The following SLC14A2 variants were observed in gnomAD, a reference collection of about 807,000 sequenced individuals.
SLC14A2 encodes the protein solute carrier family 14 member 2.
In SLC14A2, 91 loss-of-function variants were observed where a neutral mutation model predicts 104.6. The observed-to-expected ratio is 0.87, with a 90% CI of 0.73 to 1.04. The LOEUF (loss-of-function observed/expected upper bound fraction) is 1.04, where lower values mean the gene tolerates loss of function less well. Among genes scored for constraint, SLC14A2 ranks in the 50% least tolerant of loss-of-function variants. The probability of loss-of-function intolerance (pLI) is 0.00; values close to 1 mark genes in which losing one functional copy is unlikely to be tolerated. For synonymous variants in SLC14A2, 476 were observed against 466.4 expected, an observed-to-expected ratio of 1.02 and a Z score of -0.27; for missense variants, 1,189 against 1,156.0, an observed-to-expected ratio of 1.03 and a Z score of -0.41.
intron 2 of SLC14A2, among the ~76,000 whole-genome samples, chr18:45,596,268 C>T (rs1347818871): frequency 1.3e-5 from 2 of 152,174 alleles, no homozygotes; most frequent in African/African-American, 2.4e-5. Context: ...GAAATTGGCA[C>T]GGCTACCTAG....
intron 2 of SLC14A2, among the ~76,000 whole-genome samples, chr18:45,565,594 G>A (rs2044255682): frequency 6.6e-6 from 1 of 152,212 alleles, no homozygotes; most frequent in South Asian, 2.1e-4. Context: ...GCTCAGGAAA[G>A]CGAGGCAACT....
chr18:45,262,698 G>A (rs2084552152), intron 1 of SLC14A2, among the ~76,000 whole-genome samples: 1 of 152,128 alleles, frequency 6.6e-6, no homozygotes, highest in African/African-American at 2.4e-5. Context: ...TTGTAGTCCA[G>A]GCACAAGGCC....
At chr18:45,630,898 T>C (rs1025884270) in intron 4 of SLC14A2, among the ~76,000 whole-genome samples, 4 of 152,152 alleles carry the variant, frequency 2.6e-5, no homozygotes, top group Non-Finnish European at 5.9e-5. Context: ...GTGCTACAGC[T>C]TTCTTGCAGG....
chr18:45,509,172 A>G (rs1317846865), intron 2 of SLC14A2, among the ~76,000 whole-genome samples: 1 of 152,034 alleles, frequency 6.6e-6, no homozygotes, highest in Non-Finnish European at 1.5e-5. Flanking sequence ...GTCTTACCCA[A>G]CTCATCTGTG....
At chr18:45,647,711 A>G (rs971325958) in intron 10 of SLC14A2, 1 of 152,060 alleles carries the variant, frequency 6.6e-6, no homozygotes, top group Admixed American at 6.5e-5. Context: ...TGTAATTTTA[A>G]TTTTTATTCC....
chr18:45,530,761 C>T (rs2043672443), intron 2 of SLC14A2, among the ~76,000 whole-genome samples: 1 of 152,052 alleles, frequency 6.6e-6, no homozygotes, highest in Non-Finnish European at 1.5e-5. Context: ...AGGTTTGTTA[C>T]ATATGTATAC....
chr18:45,415,714 G>A (rs2086269356), intron 1 of SLC14A2, among the ~76,000 whole-genome samples: 1 of 152,144 alleles, frequency 6.6e-6, no homozygotes, highest in South Asian at 2.1e-4. Context: ...GGTTTAATAG[G>A]CTGCCCTTAT....
intron 2 of SLC14A2, among the ~76,000 whole-genome samples, chr18:45,494,467 G>A (rs946637004): frequency 1.9e-4 from 29 of 152,068 alleles, no homozygotes; most frequent in African/African-American, 6.3e-4. Context: ...TTGCAATCTC[G>A]GCTCACTGCA....
intron 1 of SLC14A2, among the ~76,000 whole-genome samples, chr18:45,471,030 A>G (rs1277782989): frequency 2.0e-5 from 3 of 151,956 alleles, no homozygotes; most frequent in African/African-American, 4.8e-5. Flanking sequence ...TTAACAACCC[A>G]CCACCAGTTC....
At chr18:45,528,362 A>C (rs1441459856) in intron 2 of SLC14A2, 1 of 152,056 alleles carries the variant, frequency 6.6e-6, no homozygotes, top group East Asian at 1.9e-4. Flanking sequence ...TCTGACTTCA[A>C]AATTGATGTA....
At chr18:45,294,007 G>T (rs1307749260) in intron 1 of SLC14A2, among the ~76,000 whole-genome samples, 1 of 152,176 alleles carries the variant, frequency 6.6e-6, no homozygotes, top group East Asian at 1.9e-4. Context: ...AAGTGGGTGG[G>T]ATCAAGGGAA....
At chr18:45,200,151 T>C in the SLC14A2 span, among the ~76,000 whole-genome samples, 1 of 152,134 alleles carries the variant, frequency 6.6e-6, no homozygotes. Context: ...ACATTCTTTG[T>C]GTTTGGAGTT....
intron 19 of SLC14A2, among the ~76,000 whole-genome samples, chr18:45,681,949 G>A (rs1599177708): frequency 6.6e-6 from 1 of 152,210 alleles, no homozygotes; most frequent in East Asian, 1.9e-4. Context: ...TTCTCCAACA[G>A]GGGCTGATGG....
At chr18:45,277,916 A>T (rs974938458) in intron 1 of SLC14A2, among the ~76,000 whole-genome samples, 2 of 152,138 alleles carry the variant, frequency 1.3e-5, no homozygotes, top group African/African-American at 4.8e-5. Flanking sequence ...ACAGTCTCAC[A>T]TTGTGGATTT....
At chr18:45,462,038 AC>A (rs1245577585) in intron 1 of SLC14A2, among the ~76,000 whole-genome samples, 5 of 152,102 alleles carry the variant, frequency 3.3e-5, no homozygotes, top group Non-Finnish European at 7.3e-5. Flanking sequence ...CCTGGAAGAA[AC>A]CTGGCCCTCT....
At chr18:45,275,508 A>G (rs985591180) in intron 1 of SLC14A2, among the ~76,000 whole-genome samples, 1 of 152,212 alleles carries the variant, frequency 6.6e-6, no homozygotes, top group African/African-American at 2.4e-5. Flanking sequence ...CAGGGTATAA[A>G]AGAAAGTGCA....
intron 18 of SLC14A2, among the ~76,000 whole-genome samples, chr18:45,676,728 A>G (rs2046235244): frequency 6.6e-6 from 1 of 152,080 alleles, no homozygotes; most frequent in South Asian, 2.1e-4. Flanking sequence ...GAGCTGTGAA[A>G]CCTTGGTACA....
chr18:45,192,646 T>G, the SLC14A2 span, among the ~76,000 whole-genome samples: 2 of 147,656 alleles, frequency 1.4e-5, no homozygotes, highest in African/African-American at 5.2e-5. Flanking sequence ...GGTTTTTTTT[T>G]GTTTTGTTTT....
At chr18:45,586,080 A>C (rs777349635) in intron 2 of SLC14A2, among the ~76,000 whole-genome samples, 1 of 152,220 alleles carries the variant, frequency 6.6e-6, no homozygotes, top group Non-Finnish European at 1.5e-5. Context: ...TACATATATA[A>C]TACACCATCA....
Sources: allele counts gnomAD v4.1 joint callset (sites outside exome capture counted in the v4.1 genomes callset), GRCh38; gene constraint gnomAD v4.1.1; transcripts MANE v1.5; gene names NCBI Gene and HGNC (gene_info 2026-07-23, HGNC 2026-07-21).